The following SNTG1 variants were observed in gnomAD, a reference collection of about 807,000 sequenced individuals.
The protein encoded by SNTG1 is syntrophin gamma 1, also known as gamma-1-syntrophin.
Under a neutral mutation model 74.7 loss-of-function variants are expected in SNTG1, and 39 were observed. That is an observed-to-expected ratio of 0.52 (90% CI 0.40 to 0.68). The LOEUF (loss-of-function observed/expected upper bound fraction) is 0.68, where lower values mean the gene tolerates loss of function less well. Among genes scored for constraint, SNTG1 ranks in the 30% least tolerant of loss-of-function variants. SNTG1 has a pLI of 0.00. For missense variants in SNTG1, 685 were observed against 609.5 expected (o/e 1.12, Z -1.30); for synonymous variants, 254 against 217.1 (o/e 1.17, Z -1.49).
intron 5 of SNTG1, among the ~76,000 whole-genome samples, chr8:50,449,338 A>G (rs1043840550): frequency 6.6e-6 from 1 of 152,190 alleles, no homozygotes; most frequent in Admixed American, 6.5e-5. Flanking sequence ...GTAATATATA[A>G]TTATCTGGTG....
At chr8:50,661,024 C>A (rs377250699) in intron 15 of SNTG1, among the ~76,000 whole-genome samples, 2 of 151,950 alleles carry the variant, frequency 1.3e-5, no homozygotes, top group Non-Finnish European at 1.5e-5. Flanking sequence ...TTAGTTTTTT[C>A]CCCCACTTGT....
intron 12 of SNTG1, among the ~76,000 whole-genome samples, chr8:50,576,966 G>C (rs1224955747): frequency 6.6e-6 from 1 of 151,816 alleles, no homozygotes. Context: ...CTTAATTACA[G>C]CTGCTAGGAC....
At chr8:50,094,191 A>T (rs568011859) in intron 1 of SNTG1, among the ~76,000 whole-genome samples, 1 of 152,294 alleles carries the variant, frequency 6.6e-6, no homozygotes, top group Admixed American at 6.5e-5. Flanking sequence ...AAGAGTGAAC[A>T]GAGGTAGAAA....
chr8:50,325,786 G>A (rs2090720668), intron 2 of SNTG1, among the ~76,000 whole-genome samples: 1 of 152,004 alleles, frequency 6.6e-6, no homozygotes, highest in African/African-American at 2.4e-5. Flanking sequence ...AAAAGGAATG[G>A]TGATAGGAAA....
intron 2 of SNTG1, among the ~76,000 whole-genome samples, chr8:50,261,964 A>G (rs1286551619): frequency 2.6e-5 from 4 of 152,190 alleles, no homozygotes; most frequent in Non-Finnish European, 4.4e-5. Flanking sequence ...CTATGCACCT[A>G]TTAAAATATA....
intron 1 of SNTG1, among the ~76,000 whole-genome samples, chr8:50,028,431 A>G (rs1817456047): frequency 6.6e-6 from 1 of 152,078 alleles, no homozygotes; most frequent in Non-Finnish European, 1.5e-5. Flanking sequence ...TTGTGTATAG[A>G]TATTTGTGTG....
At chr8:50,102,741 G>T (rs2080190476) in intron 1 of SNTG1, among the ~76,000 whole-genome samples, 1 of 151,248 alleles carries the variant, frequency 6.6e-6, no homozygotes, top group Middle Eastern at 3.4e-3. Context: ...TTTGTATAAG[G>T]TGTAAGGAAG....
intron 2 of SNTG1, among the ~76,000 whole-genome samples, chr8:50,190,337 CA>C (rs1303675979): frequency 6.6e-6 from 1 of 152,040 alleles, no homozygotes; most frequent in East Asian, 1.9e-4. Context: ...ACAGTCAGAA[CA>C]AAAGGTGGTA....
intron 8 of SNTG1, among the ~76,000 whole-genome samples, chr8:50,454,147 C>T (rs779322681): frequency 7.2e-5 from 11 of 152,154 alleles, no homozygotes; most frequent in African/African-American, 9.7e-5. Context: ...ATGGCCATCT[C>T]TATATCTTGT....
chr8:50,675,973 G>C (rs2095308005), intron 15 of SNTG1, among the ~76,000 whole-genome samples: 1 of 152,006 alleles, frequency 6.6e-6, no homozygotes, highest in East Asian at 1.9e-4. Context: ...ATCTCTTATG[G>C]CTTGTAGAAT....
chr8:50,323,287 A>C (rs967793919), intron 2 of SNTG1, among the ~76,000 whole-genome samples: 1 of 152,032 alleles, frequency 6.6e-6, no homozygotes, highest in African/African-American at 2.4e-5. Context: ...CAAAACAGCT[A>C]TTTTGAATTC....
At chr8:50,012,122 ATG>A (rs1002424111) in intron 1 of SNTG1, among the ~76,000 whole-genome samples, 8 of 137,752 alleles carry the variant, frequency 5.8e-5, no homozygotes, top group African/African-American at 2.8e-4. Flanking sequence ...TTTCACACAC[ATG>A]TTAATTTCAA....
At chr8:50,607,558 G>A (rs2094821691) in intron 13 of SNTG1, among the ~76,000 whole-genome samples, 1 of 151,160 alleles carries the variant, frequency 6.6e-6, no homozygotes, top group Non-Finnish European at 1.5e-5. Context: ...TTCAATTTTG[G>A]TAATCTGTGA....
rs796316780 is a variant in SNTG1, at chr8:49,924,122, A to T, written c.-103+11891A>T. Among the ~76,000 whole-genome samples, 21 of 152,306 alleles carry T rather than the reference A, an allele frequency of 1.4e-4. No individual in the cohort carries two copies. The South Asian group carries it at 4.1e-3, about 30-fold the overall frequency. Reference sequence around the variant, plus strand: ...TCAACTAGCTCTGCTAGCCCAGTACAATTTTAGATATGTAACTAATAGGGT... The same window carrying T: ...TCAACTAGCTCTGCTAGCCCAGTACTATTTTAGATATGTAACTAATAGGGT... On this transcript the variant is annotated intron_variant, in intron 1 of 18. Coordinates refer to ENST00000642720, the MANE Select transcript of SNTG1 (RefSeq NM_018967.5).
Position 50,708,948 on chromosome 8 carries a change from A to G in SNTG1, c.1254A>G (p.Thr418=), listed in dbSNP as rs773912398. 1 of 1,613,860 alleles carries G rather than the reference A, an allele frequency of 6.2e-7. No homozygotes were observed. The highest frequency in any genetic ancestry group is 1.1e-5 in the South Asian group (1 of 91,074). The change falls in exon 17 of 19, where the codon ACA becomes ACG. Residue 418 remains threonine (T), a synonymous_variant. Transcript: ENST00000642720. The part of the protein sequence containing the change: ...HLMGLTIDFS[T]GFICFDAATK... ...TGGGACTCACAATTGATTTCAGCAC[A>G]GGATTTATCTGCTTTGATGCTGCAA...
intron 13 of SNTG1, among the ~76,000 whole-genome samples, chr8:50,628,481 G>A (rs185100169): frequency 5.8e-4 from 88 of 152,100 alleles, no homozygotes; most frequent in African/African-American, 2.0e-3. Flanking sequence ...GGTCTCCTTT[G>A]CTTCTCTTCC....
intron 8 of SNTG1, among the ~76,000 whole-genome samples, chr8:50,498,644 T>C (rs951654269): frequency 6.6e-6 from 1 of 151,894 alleles, no homozygotes; most frequent in African/African-American, 2.4e-5. Context: ...TTTGGATTAA[T>C]AACTACAAAA....
intron 4 of SNTG1, among the ~76,000 whole-genome samples, chr8:50,427,692 A>C (rs2093180931): frequency 6.6e-6 from 1 of 152,202 alleles, no homozygotes; most frequent in South Asian, 2.1e-4. Context: ...CTCCCAAAGC[A>C]CTGGGATTAA....
chr8:50,513,429 G>A (rs917369586), intron 9 of SNTG1, among the ~76,000 whole-genome samples: 15 of 152,214 alleles, frequency 9.9e-5, no homozygotes, highest in Admixed American at 6.5e-5. Flanking sequence ...GAGAACCACT[G>A]CTCTCTTCAA....
Sources: gnomAD v4.1 joint callset for allele counts (sites outside exome capture counted in the v4.1 genomes callset) on GRCh38, gnomAD v4.1.1 for gene constraint, MANE v1.5 for transcripts, NCBI Gene and HGNC (gene_info 2026-07-23, HGNC 2026-07-21) for gene names.